Variants in CFTR observed in about 807,000 individuals in gnomAD.
CFTR encodes CF transmembrane conductance regulator, also known as cystic fibrosis transmembrane conductance regulator.
In CFTR, 181 loss-of-function variants were observed where a neutral mutation model predicts 171.6. The observed-to-expected ratio is 1.05, with a 90% CI of 0.93 to 1.19. The LOEUF (loss-of-function observed/expected upper bound fraction) is 1.19, where lower values mean the gene tolerates loss of function less well. CFTR is among the 50% of genes most tolerant of loss of function. The probability of loss-of-function intolerance (pLI) is 0.00; values close to 1 mark genes in which losing one functional copy is unlikely to be tolerated. For missense variants in CFTR, 1,968 were observed against 1,734.7 expected (o/e 1.13, Z -2.39); for synonymous variants, 583 against 608.0 (o/e 0.96, Z 0.60).
intron 23 of CFTR, among the ~76,000 whole-genome samples, chr7:117,647,696 T>G (rs1325172328): frequency 6.6e-6 from 1 of 150,376 alleles, no homozygotes; most frequent in Non-Finnish European, 1.5e-5. Context: ...AAAAAAAAAT[T>G]TTTTTTTTAA....
chr7:117,547,643 A>G (rs991710911), intron 9 of CFTR, among the ~76,000 whole-genome samples: 53 of 152,334 alleles, frequency 3.5e-4, no homozygotes, highest in Non-Finnish European at 5.1e-4. Flanking sequence ...GTGAAATAAG[A>G]TACTGCCTCC....
At chr7:117,511,770 A>G (rs938510676) in intron 3 of CFTR, among the ~76,000 whole-genome samples, 1 of 152,214 alleles carries the variant, frequency 6.6e-6, no homozygotes, top group Non-Finnish European at 1.5e-5. Context: ...AATAATTTAG[A>G]TAAACATAGT....
intron 2 of CFTR, 136 bp from the exon 3 acceptor site, chr7:117,508,898 A>C: frequency 4.3e-6 from 3 of 694,484 alleles, no homozygotes. Flanking sequence ...TATGGTCTCC[A>C]TGAGATTTTG....
intron 21 of CFTR, among the ~76,000 whole-genome samples, chr7:117,625,386 T>C (rs1792636630): frequency 1.3e-5 from 2 of 152,178 alleles, no homozygotes; most frequent in South Asian, 4.1e-4. Context: ...GAGAATGTAA[T>C]TTGCAATGCT....
intron 7 of CFTR, among the ~76,000 whole-genome samples, chr7:117,539,427 T>C (rs1799010585): frequency 6.6e-6 from 1 of 151,964 alleles, no homozygotes; most frequent in Non-Finnish European, 1.5e-5. Flanking sequence ...TTGGGTTTTT[T>C]TTTTTGTTTC....
chr7:117,501,199 G>T (rs1051499117), intron 1 of CFTR, among the ~76,000 whole-genome samples: 3 of 152,032 alleles, frequency 2.0e-5, no homozygotes, highest in African/African-American at 7.3e-5. Flanking sequence ...TATTAATAGT[G>T]GGAGCACATT....
intron 11 of CFTR, among the ~76,000 whole-genome samples, chr7:117,561,443 A>G (rs1454210479): frequency 3.3e-5 from 5 of 152,072 alleles, no homozygotes; most frequent in Non-Finnish European, 7.4e-5. Flanking sequence ...TCCTGTGCCT[A>G]TTAGCATCCA....
chr7:117,556,348 C>T (rs1799354961), intron 10 of CFTR, among the ~76,000 whole-genome samples: 2 of 151,856 alleles, frequency 1.3e-5, no homozygotes, highest in Admixed American at 6.6e-5. Flanking sequence ...CAGGCATGAG[C>T]CACTGTGCAC....
Position 117,652,866 on chromosome 7 carries a change from T to C in CFTR, c.3898T>C (p.Phe1300Leu), listed in dbSNP as rs764469050. The stretch of plus-strand genomic sequence containing the variant: ...GAAAGTATTTATTTTTTCTGGAACA[T>C]TTAGAAAAAACTTGGATCCCTATGA... ...PQKVFIFSGT[F>L]RKNLDPYEQW... Residue 1300 changes from phenylalanine to leucine, a missense_variant, in exon 24 of 27, where the codon TTT (phenylalanine) becomes CTT (leucine). Transcript: ENST00000003084. 2.5e-6 allele frequency: 4 copies of C among 1,582,284 alleles called. No homozygotes were observed. The highest frequency in any genetic ancestry group is 2.7e-5 in the African/African-American group (2 of 74,392).
chr7:117,652,266 G>A (rs1295458905), intron 23 of CFTR, among the ~76,000 whole-genome samples: 1 of 152,108 alleles, frequency 6.6e-6, no homozygotes, highest in Non-Finnish European at 1.5e-5. Context: ...CTCTTCCACT[G>A]ATTTCTAAGT....
chr7:117,611,441 C>T (rs1792383201), intron 19 of CFTR, 140 bp from the exon 20 acceptor site: 2 of 662,220 alleles, frequency 3.0e-6, no homozygotes, highest in Non-Finnish European at 5.4e-6. Flanking sequence ...AAGAATGGCA[C>T]CAGTGTGAAA....
At chr7:117,541,242 T>TAGAG (rs573044649) in intron 8 of CFTR, among the ~76,000 whole-genome samples, 102 of 147,538 alleles carry the variant, frequency 6.9e-4, no homozygotes, top group African/African-American at 1.0e-3. Flanking sequence ...GAGAGAGAAA[T>TAGAG]AGAGAGAGAG....
chr7:117,583,337 T>G (rs1454596943), intron 11 of CFTR, among the ~76,000 whole-genome samples: 3 of 150,948 alleles, frequency 2.0e-5, no homozygotes, highest in African/African-American at 7.3e-5. Context: ...CCACCCTTCC[T>G]TTATCGTCCC....
intron 24 of CFTR, among the ~76,000 whole-genome samples, chr7:117,663,472 T>C (rs1344889853): frequency 6.6e-6 from 1 of 151,162 alleles, no homozygotes. Context: ...TGCAATATAC[T>C]TTCAAATGTT....
chr7:117,493,311 C>G (rs183910194), intron 1 of CFTR, among the ~76,000 whole-genome samples: 1 of 152,016 alleles, frequency 6.6e-6, no homozygotes, highest in Non-Finnish European at 1.5e-5. Flanking sequence ...GAAAAAATAG[C>G]AACTTAAGTG....
chr7:117,545,952 A>G (rs1049635359), intron 9 of CFTR, among the ~76,000 whole-genome samples: 34 of 151,830 alleles, frequency 2.2e-4, no homozygotes, highest in African/African-American at 7.7e-4. Context: ...CTGAGTAGCT[A>G]GGGCTACAGA....
At chr7:117,613,997 ATC>A (rs1182009839) in intron 20 of CFTR, among the ~76,000 whole-genome samples, 1 of 132,032 alleles carries the variant, frequency 7.6e-6, no homozygotes, top group Non-Finnish European at 1.6e-5. Context: ...AGGTACAGTA[ATC>A]TTTTTTTTTT....
intron 17 of CFTR, 138 bp from the exon 18 acceptor site, chr7:117,606,536 A>G: frequency 1.6e-6 from 1 of 625,012 alleles, no homozygotes; most frequent in Non-Finnish European, 2.8e-6. Context: ...AAAATTTCTA[A>G]GTCTATCTGA....
intron 24 of CFTR, among the ~76,000 whole-genome samples, chr7:117,655,350 A>G (rs1173413718): frequency 2.6e-5 from 4 of 152,194 alleles, no homozygotes; most frequent in African/African-American, 9.7e-5. Flanking sequence ...ACTAGGACAC[A>G]AACAGCTCAG....
Sources: gnomAD v4.1 joint callset for allele counts (sites outside exome capture counted in the v4.1 genomes callset) on GRCh38, gnomAD v4.1.1 for gene constraint, MANE v1.5 for transcripts, NCBI Gene and HGNC (gene_info 2026-07-23, HGNC 2026-07-21) for gene names.